Variants in SGCD observed in about 807,000 individuals in gnomAD.
The protein encoded by SGCD is sarcoglycan delta, also known as delta-sarcoglycan.
In SGCD, 18 loss-of-function variants were observed where a neutral mutation model predicts 36.6. That is an observed-to-expected ratio of 0.49 (90% confidence interval 0.34 to 0.73). The LOEUF (loss-of-function observed/expected upper bound fraction) is 0.73, where lower values mean the gene tolerates loss of function less well. SGCD is among the 30% of genes least tolerant of loss of function. SGCD has a pLI of 0.01. For synonymous variants in SGCD, 133 were observed against 130.6 expected (o/e 1.02, Z -0.12); for missense variants, 387 against 346.7 (o/e 1.12, Z -0.92).
the SGCD span, among the ~76,000 whole-genome samples, chr5:155,839,842 A>G: frequency 2.4e-3 from 369 of 152,242 alleles, 1 homozygote; most frequent in African/African-American, 7.7e-3. Context: ...GCCAGCCTTC[A>G]ACATCTCTCA....
rs535302806 is a variant in SGCD at position 156,002,133 on chromosome 5, C to T, written c.-281-115745C>T. On this transcript the variant is annotated intron_variant, in intron 1 of 9. Transcript: ENST00000517913. Reference sequence around the variant, plus strand: ...TCAGAATGTGGCTGTGTTTGGAGCTCGCGTCTTTAAAGAGGTAATTTAGTT... The same window carrying T: ...TCAGAATGTGGCTGTGTTTGGAGCTTGCGTCTTTAAAGAGGTAATTTAGTT... 7.1e-4 allele frequency among the ~76,000 whole-genome samples: 108 copies of T among 152,240 alleles called. No individual in the cohort carries two copies. In the Middle Eastern group the frequency reaches 0.014, roughly 19 times the overall value.
At chr5:155,748,874 A>C in the SGCD span, among the ~76,000 whole-genome samples, 3 of 152,240 alleles carry the variant, frequency 2.0e-5, no homozygotes, top group African/African-American at 7.2e-5. Context: ...AGTCATAGGC[A>C]CGACTTCTGA....
chr5:156,280,684 G>A lies in SGCD; in HGVS notation c.-43-48850G>A, dbSNP rs76817241. On this transcript the variant is annotated intron_variant, in intron 3 of 9. Coordinates refer to the SGCD transcript ENST00000517913. Reference sequence around the variant, plus strand: ...GGGGCTGAATATACCCTGGTGTGCTGTTTTAAAAATCAATCATAGATACAT... The same window carrying A: ...GGGGCTGAATATACCCTGGTGTGCTATTTTAAAAATCAATCATAGATACAT... 2.7e-3 allele frequency among the ~76,000 whole-genome samples: 416 copies of A among 152,268 alleles called. 3 individuals carry two copies. Among genetic ancestry groups the A allele is most frequent in the African/African-American group, 9.5e-3 (395 of 41,568 alleles).
chr5:156,238,389 G>A (rs2127654845), intron 3 of SGCD, among the ~76,000 whole-genome samples: 1 of 152,290 alleles, frequency 6.6e-6, no homozygotes, highest in Admixed American at 6.5e-5. Context: ...CCACCCTCCA[G>A]TGGTGTCGGC....
At chr5:155,765,793 C>T in the SGCD span, among the ~76,000 whole-genome samples, 2 of 152,088 alleles carry the variant, frequency 1.3e-5, no homozygotes, top group Non-Finnish European at 2.9e-5. Context: ...ATTCCCAGCT[C>T]CTCCCCACCA....
intron 1 of SGCD, among the ~76,000 whole-genome samples, chr5:156,048,727 C>T (rs1759839209): frequency 6.6e-6 from 1 of 152,104 alleles, no homozygotes; most frequent in African/African-American, 2.4e-5. Context: ...GGATATTAGC[C>T]TTTATCAGAT....
the SGCD span, among the ~76,000 whole-genome samples, chr5:155,811,675 A>G: frequency 6.6e-6 from 1 of 152,174 alleles, no homozygotes; most frequent in Non-Finnish European, 1.5e-5. Flanking sequence ...TCCCAGGTGG[A>G]TCGGCAGGTT....
chr5:156,656,240 G>A (rs1241384694), intron 7 of SGCD, among the ~76,000 whole-genome samples: 1 of 151,980 alleles, frequency 6.6e-6, no homozygotes, highest in African/African-American at 2.4e-5. Flanking sequence ...AAACCCACTT[G>A]GAATGCAGAG....
chr5:156,329,615 C>T (rs1438044621), intron 2 of SGCD, 36 bp downstream of exon 2: 9 of 1,599,760 alleles, frequency 5.6e-6, no homozygotes, highest in Admixed American at 1.7e-5. Flanking sequence ...TGTTCAAGGC[C>T]CTGCTCATGG....
intron 1 of SGCD, among the ~76,000 whole-genome samples, chr5:156,047,601 T>C (rs1176519083): frequency 1.3e-5 from 2 of 152,164 alleles, no homozygotes; most frequent in Non-Finnish European, 2.9e-5. Context: ...GTTTATAGCA[T>C]GGCTAATTGA....
chr5:156,608,377 G>C (rs891825456), intron 6 of SGCD, among the ~76,000 whole-genome samples: 22 of 152,276 alleles, frequency 1.4e-4, no homozygotes, highest in Non-Finnish European at 2.5e-4. Context: ...TTAATCCTGA[G>C]TTCTAGTTTG....
intron 3 of SGCD, among the ~76,000 whole-genome samples, chr5:156,270,283 T>C (rs1225861731): frequency 1.3e-5 from 2 of 152,162 alleles, no homozygotes; most frequent in Admixed American, 1.3e-4. Context: ...CTGTAGTATA[T>C]TTGAAGCCAG....
At chr5:155,945,196 A>T (rs1309334384) in intron 1 of SGCD, among the ~76,000 whole-genome samples, 1 of 152,240 alleles carries the variant, frequency 6.6e-6, no homozygotes. Flanking sequence ...GAGTTTGTAA[A>T]ACCATGTTAA....
chr5:156,012,209 C>G (rs1334718319), intron 1 of SGCD, among the ~76,000 whole-genome samples: 1 of 152,198 alleles, frequency 6.6e-6, no homozygotes, highest in African/African-American at 2.4e-5. Context: ...GACAGCATAG[C>G]AGCAAAATTG....
chr5:156,623,970 T>C (rs1176991480), intron 6 of SGCD, among the ~76,000 whole-genome samples: 1 of 152,196 alleles, frequency 6.6e-6, no homozygotes, highest in East Asian at 1.9e-4. Context: ...GATACATCTC[T>C]CTTTAGCAAA....
At chr5:156,587,959 C>T (rs193084641) in intron 4 of SGCD, among the ~76,000 whole-genome samples, 2 of 151,062 alleles carry the variant, frequency 1.3e-5, no homozygotes, top group East Asian at 3.9e-4. Flanking sequence ...CTTCTGCTTG[C>T]TCACAACTTG....
chr5:156,571,621 C>T (rs1759727628), intron 4 of SGCD, among the ~76,000 whole-genome samples: 1 of 152,146 alleles, frequency 6.6e-6, no homozygotes, highest in Non-Finnish European at 1.5e-5. Flanking sequence ...TTGAGCTAAG[C>T]ACACAATCAC....
At chr5:156,079,688 A>G (rs1388300384) in intron 1 of SGCD, among the ~76,000 whole-genome samples, 1 of 152,186 alleles carries the variant, frequency 6.6e-6, no homozygotes, top group Non-Finnish European at 1.5e-5. Context: ...CTTTGACTCC[A>G]TGTCCCCCAT....
At chr5:156,636,809 C>T (rs1465607251) in intron 6 of SGCD, among the ~76,000 whole-genome samples, 2 of 152,168 alleles carry the variant, frequency 1.3e-5, no homozygotes, top group Admixed American at 1.3e-4. Flanking sequence ...TGGCTTACTA[C>T]TGCCTAAAAG....
Sources: allele counts gnomAD v4.1 joint callset (sites outside exome capture counted in the v4.1 genomes callset), GRCh38; gene constraint gnomAD v4.1.1; transcripts MANE v1.5; gene names NCBI Gene and HGNC (gene_info 2026-07-23, HGNC 2026-07-21).